Variants in ZNF678 observed in about 807,000 individuals in gnomAD.
ZNF678 encodes the protein hypothetical protein MGC42493.
A neutral mutation model predicts 3.0 loss-of-function variants in ZNF678; 5 were observed. The ratio of observed to expected loss-of-function variants is 1.69; its 90% confidence interval spans 0.88 to 3.56. The LOEUF (loss-of-function observed/expected upper bound fraction) is 3.56. Among genes scored for constraint, ZNF678 ranks in the 30% most tolerant of loss-of-function variants. ZNF678 has a pLI of 0.00. For synonymous variants in ZNF678, 218 were observed against 199.6 expected, an observed-to-expected ratio of 1.09 and a Z score of -0.78; for missense variants, 593 against 605.0, an observed-to-expected ratio of 0.98 and a Z score of 0.21.
rs1659340415 is a variant in ZNF678, at chr1:227,659,465, A to T, written c.*3637A>T. On this transcript the variant is annotated 3_prime_UTR_variant, in exon 4 of 4. Transcript: ENST00000343776. Reference sequence around the variant, plus strand: ...ACTGTTAGCACCACCTGCTTCTTTAATGTCGTCCATATGATCAGCATCAGC... The same window carrying T: ...ACTGTTAGCACCACCTGCTTCTTTATTGTCGTCCATATGATCAGCATCAGC... 6.6e-6 allele frequency: 1 copy of T among 152,098 alleles called. No homozygotes were observed. The highest frequency in any genetic ancestry group is 1.5e-5 in the Non-Finnish European group (1 of 68,016). 9.4% of individuals were successfully genotyped at this position (152,098 alleles called of 1,614,324 possible).
chr1:227,655,649 G>A lies in ZNF678; in HGVS notation c.1399G>A (p.Gly467Ser). The change falls in exon 4 of 4, where the codon GGC becomes AGC. Residue 467 changes from glycine (G) to serine (S), a missense_variant. Physicochemically the swap from Gly to Ser is moderately conservative, Grantham distance 56. Coordinates refer to ENST00000343776, the MANE Select transcript of ZNF678 (RefSeq NM_001367909.1). ...GAAACCCTACAAATGTGAAGAATGTGGCAAAGCCTTTAACCAGTTCTCAAG... is the reference window on the plus strand; with the variant it reads ...GAAACCCTACAAATGTGAAGAATGTAGCAAAGCCTTTAACCAGTTCTCAAG... The part of the protein sequence containing the change: ...EEKPYKCEEC[G>S]KAFNQFSSLT... 1.2e-6 allele frequency: 2 copies of A among 1,612,690 alleles called. No homozygotes were observed. Among genetic ancestry groups the A allele is most frequent in the East Asian group, 2.2e-5 (1 of 44,818 alleles).
At chr1:227,668,262 A>G (rs1246442814) in intron 5 of ZNF678, among the ~76,000 whole-genome samples, 1 of 152,208 alleles carries the variant, frequency 6.6e-6, no homozygotes, top group Non-Finnish European at 1.5e-5. Flanking sequence ...CAGTTCTATA[A>G]TTAGCGATTT....
chr1:227,590,508 T>C (rs1657384483), intron 1 of ZNF678, among the ~76,000 whole-genome samples: 1 of 151,808 alleles, frequency 6.6e-6, no homozygotes, highest in South Asian at 2.1e-4. Flanking sequence ...CCACGAGCCG[T>C]CTTGTGCCCA....
At chr1:227,598,173 A>G (rs1321314809) in intron 1 of ZNF678, among the ~76,000 whole-genome samples, 2 of 152,172 alleles carry the variant, frequency 1.3e-5, no homozygotes, top group African/African-American at 4.8e-5. Context: ...CCAAATAACC[A>G]CTAGTCTGAC....
intron 1 of ZNF678, among the ~76,000 whole-genome samples, chr1:227,629,003 G>T (rs1290100153): frequency 2.0e-5 from 3 of 152,212 alleles, no homozygotes; most frequent in Non-Finnish European, 4.4e-5. Context: ...CAAAGTGTAA[G>T]GGTTAGGTGC....
chr1:227,630,379 G>A (rs1658520045), intron 1 of ZNF678, among the ~76,000 whole-genome samples: 1 of 152,186 alleles, frequency 6.6e-6, no homozygotes, highest in African/African-American at 2.4e-5. Flanking sequence ...GCTGGCCTGT[G>A]GGGGAATTGT....
chr1:227,659,480 T>G lies in ZNF678; in HGVS notation c.*3652T>G, dbSNP rs1443686702. The G allele has an allele frequency of 6.6e-6, 1 of 152,138 alleles. No individual in the cohort carries two copies. The highest frequency in any genetic ancestry group is 1.5e-5 in the Non-Finnish European group (1 of 68,032). 9.4% of individuals were successfully genotyped at this position (152,138 alleles called of 1,614,324 possible). On this transcript the variant is annotated 3_prime_UTR_variant, in exon 4 of 4. Coordinates refer to ENST00000343776, the MANE Select transcript of ZNF678 (RefSeq NM_001367909.1). ...TGCTTCTTTAATGTCGTCCATATGA[T>G]CAGCATCAGCACCAGAAACTCCAGG...
chr1:227,655,332 T>C lies in ZNF678; in HGVS notation c.1082T>C (p.Phe361Ser), dbSNP rs1317765404. The change falls in exon 4 of 4, where the codon TTC (phenylalanine) becomes TCC (serine). Residue 361 changes from phenylalanine to serine, a missense_variant. Coordinates refer to ENST00000343776, the MANE Select transcript of ZNF678 (RefSeq NM_001367909.1). ...GAATGTGGCAGAACCTTTACTCAAT[T>C]CTCAAACCTCACTCAGCATAAAAGA... is the stretch of plus-strand genomic sequence containing the variant. ...CEECGRTFTQ[F>S]SNLTQHKRIH... 1.9e-6 allele frequency: 3 copies of C among 1,608,042 alleles called. No individual in the cohort carries two copies. In the South Asian group the frequency reaches 3.3e-5, roughly 18 times the overall value.
At chr1:227,598,286 G>C (rs1657646136) in intron 1 of ZNF678, 1 of 824,752 alleles carries the variant, frequency 1.2e-6, no homozygotes, top group African/African-American at 1.8e-5. Flanking sequence ...TGGCATCTGA[G>C]TGGCTACTGA....
chr1:227,631,500 G>T (rs1045424706), intron 1 of ZNF678, among the ~76,000 whole-genome samples: 2 of 152,202 alleles, frequency 1.3e-5, no homozygotes, highest in African/African-American at 4.8e-5. Context: ...CAGTTCCTAT[G>T]CAAATTCGTT....
At chr1:227,602,418 C>T (rs141025247) in intron 1 of ZNF678, among the ~76,000 whole-genome samples, 4 of 152,264 alleles carry the variant, frequency 2.6e-5, no homozygotes, top group African/African-American at 9.6e-5. Flanking sequence ...ACATTGTACA[C>T]ATAAGTAAAA....
chr1:227,598,991 G>T (rs77533174), intron 1 of ZNF678: 1 of 1,231,298 alleles, frequency 8.1e-7, no homozygotes. Context: ...AAACCTTGGA[G>T]CCTTTCTTTT....
In ZNF678 at chr1:227,655,544, C is replaced by T. The variant is rs1659219477; in HGVS notation, c.1294C>T (p.Pro432Ser). Residue 432 changes from proline (P) to serine (S), a missense_variant, in exon 4 of 4, where the codon CCC becomes TCC. Physicochemically the swap from Pro to Ser is moderately conservative, Grantham distance 74. Transcript: ENST00000343776. ...TAAGAGAATTCATACTGGAGAGAAA[C>T]CCTACAAATGTAAAGAATGTGGCAA... ...SHKRIHTGEK[P>S]YKCKECGKAF... 1 of 1,612,532 alleles carries T rather than the reference C, an allele frequency of 6.2e-7. No individual in the cohort carries two copies. Among genetic ancestry groups the T allele is most frequent in the African/African-American group, 1.3e-5 (1 of 74,850 alleles).
At chr1:227,579,325 G>A (rs992898050) in intron 1 of ZNF678, among the ~76,000 whole-genome samples, 6 of 152,092 alleles carry the variant, frequency 3.9e-5, no homozygotes, top group Admixed American at 3.9e-4. Context: ...AGGTCTGGGT[G>A]CTTAATCTGT....
At chr1:227,671,824 G>A (rs1033730830) in intron 5 of ZNF678, among the ~76,000 whole-genome samples, 6 of 152,068 alleles carry the variant, frequency 3.9e-5, no homozygotes, top group African/African-American at 7.2e-5. Flanking sequence ...TTTGATGTAA[G>A]GCCCTTATTT....
At chr1:227,589,904 T>A (rs1232738830) in intron 1 of ZNF678, among the ~76,000 whole-genome samples, 1 of 151,864 alleles carries the variant, frequency 6.6e-6, no homozygotes, top group East Asian at 1.9e-4. Context: ...TGAGGGGCAG[T>A]CTCCTCCTTT....
intron 5 of ZNF678, among the ~76,000 whole-genome samples, chr1:227,668,366 T>C (rs534901540): frequency 1.3e-4 from 20 of 152,216 alleles, no homozygotes; most frequent in Non-Finnish European, 2.6e-4. Context: ...TTAAAATGTC[T>C]TTTGATCTGC....
intron 1 of ZNF678, among the ~76,000 whole-genome samples, chr1:227,613,747 T>C (rs540728910): frequency 2.8e-4 from 43 of 152,280 alleles, no homozygotes; most frequent in Admixed American, 1.4e-3. Context: ...CCATGGTGAC[T>C]CCCTTGCAAA....
intron 1 of ZNF678, among the ~76,000 whole-genome samples, chr1:227,637,240 A>G (rs1658700615): frequency 6.6e-6 from 1 of 152,220 alleles, no homozygotes; most frequent in African/African-American, 2.4e-5. Flanking sequence ...AGGTAAGAGC[A>G]TGGCTGTGTT....
Sources: allele counts gnomAD v4.1 joint callset (sites outside exome capture counted in the v4.1 genomes callset), GRCh38; gene constraint gnomAD v4.1.1; transcripts MANE v1.5; gene names NCBI Gene and HGNC (gene_info 2026-07-23, HGNC 2026-07-21).